FGF12: variants seen among roughly 807,000 people sequenced by gnomAD.
The protein encoded by FGF12 is fibroblast growth factor 12B.
A neutral mutation model predicts 23.6 loss-of-function variants in FGF12; 14 were observed. The observed-to-expected ratio is 0.59, with a 90% CI of 0.39 to 0.93. The LOEUF (loss-of-function observed/expected upper bound fraction) is 0.93. Ranked by LOEUF, FGF12 falls within the 40% of genes least tolerant of loss-of-function variation. FGF12 has a pLI of 0.00. For synonymous variants in FGF12, 62 were observed against 77.3 expected (o/e 0.80, Z 1.04); for missense variants, 175 against 217.8 (o/e 0.80, Z 1.24).
chr3:192,333,067 C>T (rs1171884006), intron 4 of FGF12, among the ~76,000 whole-genome samples: 2 of 152,042 alleles, frequency 1.3e-5, no homozygotes, highest in African/African-American at 2.4e-5. Context: ...TCAAGATTCC[C>T]ACCCCCTCGT....
chr3:192,255,442 G>C (rs1001692587), intron 4 of FGF12, among the ~76,000 whole-genome samples: 2 of 151,816 alleles, frequency 1.3e-5, no homozygotes, highest in African/African-American at 4.8e-5. Flanking sequence ...AGCTGAGTTG[G>C]GGAAGAAAGT....
chr3:192,359,121 CA>C (rs1718607385), intron 3 of FGF12, among the ~76,000 whole-genome samples: 1 of 152,100 alleles, frequency 6.6e-6, no homozygotes, highest in Non-Finnish European at 1.5e-5. Flanking sequence ...CACAAAAACA[CA>C]AGCCAACAAT....
chr3:192,177,931 A>C (rs1715948864), intron 4 of FGF12, among the ~76,000 whole-genome samples: 3 of 152,240 alleles, frequency 2.0e-5, no homozygotes, highest in African/African-American at 7.2e-5. Context: ...CTGGCATTAT[A>C]ACACATATGA....
At position 192,290,104 on chromosome 3, in the gene FGF12, A is replaced by T. The variant is rs1474526593; in HGVS notation, c.228+45257T>A. ...GGGTACAAAGTTTTAGTTAGATGAG[A>T]ATAAGTTTTGAGATCAATTGCACAG... On this transcript the variant is annotated intron_variant, in intron 4 of 5. Transcript: ENST00000445105. 3.9e-5 allele frequency among the ~76,000 whole-genome samples: 6 copies of T among 152,254 alleles called. No individual in the cohort carries two copies. In the East Asian group the frequency reaches 9.7e-4, roughly 25 times the overall value.
chr3:192,186,415 C>A (rs534183361), intron 4 of FGF12, among the ~76,000 whole-genome samples: 3 of 152,174 alleles, frequency 2.0e-5, no homozygotes, highest in Non-Finnish European at 4.4e-5. Context: ...TACTTAGTGA[C>A]ATGTACATGA....
At chr3:192,175,421 C>T (rs558729886) in intron 4 of FGF12, among the ~76,000 whole-genome samples, 2 of 152,224 alleles carry the variant, frequency 1.3e-5, no homozygotes, top group East Asian at 1.9e-4. Context: ...GAAACACCCC[C>T]GTGTTCTATT....
At chr3:192,413,260 G>A (rs1248194154) in intron 2 of FGF12, among the ~76,000 whole-genome samples, 2 of 152,010 alleles carry the variant, frequency 1.3e-5, no homozygotes, top group Non-Finnish European at 1.5e-5. Context: ...TTACATCCAG[G>A]GCTCTGTCAG....
At chr3:192,561,110 A>T (rs1425795505) in intron 2 of FGF12, among the ~76,000 whole-genome samples, 3 of 152,126 alleles carry the variant, frequency 2.0e-5, no homozygotes, top group South Asian at 2.1e-4. Flanking sequence ...TCTATAAGGG[A>T]AAGGGGAAGC....
chr3:192,362,692 C>T (rs1488442336), intron 2 of FGF12, among the ~76,000 whole-genome samples: 1 of 152,028 alleles, frequency 6.6e-6, no homozygotes, highest in African/African-American at 2.4e-5. Flanking sequence ...CTCTATAATC[C>T]TTGCAAATTT....
chr3:192,525,588 T>C (rs1724922212), intron 2 of FGF12, among the ~76,000 whole-genome samples: 1 of 152,220 alleles, frequency 6.6e-6, no homozygotes, highest in Non-Finnish European at 1.5e-5. Context: ...TTAGCCTCCA[T>C]ACTGCCAAAA....
chr3:192,685,411 T>G (rs1361777339), intron 2 of FGF12, among the ~76,000 whole-genome samples: 1 of 152,126 alleles, frequency 6.6e-6, no homozygotes, highest in Non-Finnish European at 1.5e-5. Context: ...GTTTGTGAAA[T>G]AAAATTATAC....
chr3:192,300,398 C>G (rs1445709522), intron 4 of FGF12, among the ~76,000 whole-genome samples: 1 of 152,048 alleles, frequency 6.6e-6, no homozygotes, highest in Non-Finnish European at 1.5e-5. Flanking sequence ...CAGATGGGAC[C>G]TAATAGTTTA....
chr3:192,611,500 T>C (rs1714547889), intron 2 of FGF12, among the ~76,000 whole-genome samples: 1 of 152,036 alleles, frequency 6.6e-6, no homozygotes, highest in South Asian at 2.1e-4. Context: ...CTTAAGGATA[T>C]CTGAAGCTGT....
At chr3:192,551,297 G>A (rs1174208449) in intron 2 of FGF12, among the ~76,000 whole-genome samples, 3 of 152,160 alleles carry the variant, frequency 2.0e-5, no homozygotes, top group Non-Finnish European at 2.9e-5. Context: ...TCAGAGTTTC[G>A]GGCTGGTAAG....
At chr3:192,325,060 G>C (rs1157472353) in intron 4 of FGF12, among the ~76,000 whole-genome samples, 1 of 152,118 alleles carries the variant, frequency 6.6e-6, no homozygotes, top group Non-Finnish European at 1.5e-5. Flanking sequence ...CTTACTGAAA[G>C]TATAACTAAT....
At chr3:192,626,015 C>T (rs1969096) in intron 2 of FGF12, among the ~76,000 whole-genome samples, 5,200 of 152,266 alleles carry the variant, frequency 0.034, 189 homozygotes, top group East Asian at 0.11. Context: ...TCTGTAGCTT[C>T]TTATTTCCTC....
chr3:192,509,203 C>T (rs1501623), intron 2 of FGF12, among the ~76,000 whole-genome samples: 6,254 of 152,170 alleles, frequency 0.041, 423 homozygotes, highest in African/African-American at 0.14. Context: ...TGCAAGTATC[C>T]TAGGCTTCAG....
At chr3:192,518,042 A>C (rs752163753) in intron 2 of FGF12, among the ~76,000 whole-genome samples, 1 of 152,190 alleles carries the variant, frequency 6.6e-6, no homozygotes, top group African/African-American at 2.4e-5. Flanking sequence ...AAGAACATTC[A>C]TCTTTTCTCC....
chr3:192,444,170 C>G (rs1419363124), intron 2 of FGF12, among the ~76,000 whole-genome samples: 1 of 152,208 alleles, frequency 6.6e-6, no homozygotes, highest in Non-Finnish European at 1.5e-5. Context: ...AGCCCTAAAA[C>G]CAACGCCCAG....
Sources: gnomAD v4.1 joint callset for allele counts (sites outside exome capture counted in the v4.1 genomes callset) on GRCh38, gnomAD v4.1.1 for gene constraint, MANE v1.5 for transcripts, NCBI Gene and HGNC (gene_info 2026-07-23, HGNC 2026-07-21) for gene names.